PLCB1: variants seen among roughly 807,000 people sequenced by gnomAD.
PLCB1 encodes 1-phosphatidylinositol 4,5-bisphosphate phosphodiesterase beta-1.
A neutral mutation model predicts 161.8 loss-of-function variants in PLCB1; 46 were observed. That is an observed-to-expected ratio of 0.28 (90% CI 0.22 to 0.36). The LOEUF (loss-of-function observed/expected upper bound fraction) is 0.36, where lower values mean the gene tolerates loss of function less well. Among genes scored for constraint, PLCB1 ranks in the 10% least tolerant of loss-of-function variants. The pLI is 1.00. For synonymous variants in PLCB1, 517 were observed against 503.7 expected (o/e 1.03, Z -0.35); for missense variants, 1,016 against 1,472.5 (o/e 0.69, Z 5.07).
chr20:8,241,686 A>G (rs952263151), intron 2 of PLCB1, among the ~76,000 whole-genome samples: 3 of 151,866 alleles, frequency 2.0e-5, no homozygotes, highest in Non-Finnish European at 4.4e-5. Flanking sequence ...CAGGAAATGG[A>G]GGCTGAGAAA....
chr20:8,357,603 G>A (rs988831509), intron 2 of PLCB1, among the ~76,000 whole-genome samples: 3 of 151,972 alleles, frequency 2.0e-5, no homozygotes, highest in African/African-American at 7.3e-5. Flanking sequence ...GATCCCTTGA[G>A]CCCAGGAGTT....
intron 2 of PLCB1, among the ~76,000 whole-genome samples, chr20:8,159,988 C>CAAAAAA (rs375028388): frequency 6.3e-5 from 5 of 79,312 alleles, no homozygotes; most frequent in South Asian, 5.4e-4. Flanking sequence ...AACTCCATCT[C>CAAAAAA]AAAAAAAAAA....
chr20:8,322,554 AC>A (rs980364285), intron 2 of PLCB1, among the ~76,000 whole-genome samples: 1 of 150,378 alleles, frequency 6.6e-6, no homozygotes, highest in African/African-American at 2.5e-5. Context: ...AAAAAAAAAA[AC>A]TCATTAAATT....
intron 2 of PLCB1, among the ~76,000 whole-genome samples, chr20:8,336,606 T>A (rs2122210220): frequency 6.6e-6 from 1 of 152,282 alleles, no homozygotes. Flanking sequence ...TCAAACAAGA[T>A]ACCAGGTGAT....
At chr20:8,434,370 G>A (rs2122589122) in intron 3 of PLCB1, among the ~76,000 whole-genome samples, 1 of 152,104 alleles carries the variant, frequency 6.6e-6, no homozygotes, top group African/African-American at 2.4e-5. Context: ...TATAGCAGAG[G>A]ACAAAATCAT....
intron 2 of PLCB1, among the ~76,000 whole-genome samples, chr20:8,180,212 G>A (rs902358088): frequency 2.0e-5 from 3 of 152,248 alleles, no homozygotes; most frequent in South Asian, 2.1e-4. Flanking sequence ...GCCTGTAATC[G>A]TGTGGTTTTT....
intron 2 of PLCB1, among the ~76,000 whole-genome samples, chr20:8,344,135 T>C (rs1224492732): frequency 7.2e-5 from 11 of 152,232 alleles, no homozygotes; most frequent in Non-Finnish European, 7.3e-5. Context: ...GATTATTTGT[T>C]GTTGCTGATG....
At chr20:8,459,313 C>A (rs1344620386) in intron 3 of PLCB1, among the ~76,000 whole-genome samples, 4 of 152,118 alleles carry the variant, frequency 2.6e-5, no homozygotes, top group African/African-American at 4.8e-5. Flanking sequence ...GTTCTTTGGA[C>A]ATGGATTAAT....
intron 3 of PLCB1, among the ~76,000 whole-genome samples, chr20:8,496,863 A>C (rs143841236): frequency 1.7e-3 from 259 of 152,144 alleles, no homozygotes; most frequent in Non-Finnish European, 2.9e-3. Context: ...ATTAACCTTC[A>C]TGCTCATTTT....
At chr20:8,846,653 C>T (rs1191347044) in intron 31 of PLCB1, among the ~76,000 whole-genome samples, 1 of 152,160 alleles carries the variant, frequency 6.6e-6, no homozygotes, top group African/African-American at 2.4e-5. Context: ...AACACCAAAT[C>T]ATGACAGAAG....
At chr20:8,711,744 C>T (rs766201640) in intron 12 of PLCB1, among the ~76,000 whole-genome samples, 34 of 152,114 alleles carry the variant, frequency 2.2e-4, no homozygotes, top group Non-Finnish European at 2.5e-4. Context: ...GGTAAAACCC[C>T]GTGCTTGACT....
chr20:8,580,720 T>C lies in PLCB1; in HGVS notation c.247-47574T>C, dbSNP rs547409915. Among the ~76,000 whole-genome samples, 21 of 152,342 alleles carry C rather than the reference T, an allele frequency of 1.4e-4. No homozygotes were observed. The South Asian group carries it at 4.4e-3, about 32-fold the overall frequency. ...GCCATTTATGCTTTCAAGGAACTCATAGTTTAATGAGCACAAATTATATGA... is the reference window on the plus strand; with the variant it reads ...GCCATTTATGCTTTCAAGGAACTCACAGTTTAATGAGCACAAATTATATGA... On this transcript the variant is annotated intron_variant, in intron 3 of 31. Transcript: ENST00000338037.
At chr20:8,788,587 A>G (rs1983602534) in intron 28 of PLCB1, 46 bp from the exon 29 acceptor site, 8 of 1,595,310 alleles carry the variant, frequency 5.0e-6, no homozygotes, top group Non-Finnish European at 6.9e-6. Flanking sequence ...ACAAATTCCC[A>G]TCTGATTTGC....
intron 24 of PLCB1, among the ~76,000 whole-genome samples, chr20:8,758,955 A>C (rs1981878923): frequency 6.6e-6 from 1 of 152,208 alleles, no homozygotes. Flanking sequence ...TCTGACCTAA[A>C]CTGCACAATT....
intron 2 of PLCB1, among the ~76,000 whole-genome samples, chr20:8,158,958 G>T (rs2051592594): frequency 6.8e-6 from 1 of 146,802 alleles, no homozygotes; most frequent in African/African-American, 2.5e-5. Context: ...TTGAGTGTCT[G>T]TGGCTTTTCC....
chr20:8,651,144 G>A (rs1989309564), intron 7 of PLCB1, among the ~76,000 whole-genome samples: 1 of 152,132 alleles, frequency 6.6e-6, no homozygotes, highest in African/African-American at 2.4e-5. Context: ...TAAGCAACAA[G>A]GAAGCCTTTA....
At chr20:8,600,867 G>C (rs1600183450) in intron 3 of PLCB1, 1 of 152,352 alleles carries the variant, frequency 6.6e-6, no homozygotes, top group Non-Finnish European at 1.5e-5. Flanking sequence ...GATTTTCCAG[G>C]TGCCGTCTGT....
chr20:8,794,791 TA>T (rs1347006777), intron 31 of PLCB1, among the ~76,000 whole-genome samples: 1 of 152,142 alleles, frequency 6.6e-6, no homozygotes, highest in African/African-American at 2.4e-5. Context: ...CATTGGTAAA[TA>T]AACAACTCCT....
chr20:8,832,247 T>A (rs1986049069), intron 31 of PLCB1, among the ~76,000 whole-genome samples: 2 of 152,206 alleles, frequency 1.3e-5, no homozygotes, highest in African/African-American at 4.8e-5. Flanking sequence ...CTGGCTATAA[T>A]AAAATTTAGC....
Sources: gnomAD v4.1 joint callset for allele counts (sites outside exome capture counted in the v4.1 genomes callset) on GRCh38, gnomAD v4.1.1 for gene constraint, MANE v1.5 for transcripts, NCBI Gene and HGNC (gene_info 2026-07-23, HGNC 2026-07-21) for gene names.